The following LARP1B variants were observed in gnomAD, a reference collection of about 807,000 sequenced individuals.
LARP1B encodes La ribonucleoprotein 1B, also known as la-related protein 1B.
LARP1B carries 76 observed loss-of-function variants against 114.2 expected under a neutral mutation model. That is an observed-to-expected ratio of 0.67 (90% confidence interval 0.55 to 0.81). LARP1B has a LOEUF of 0.81. LARP1B is among the 30% of genes least tolerant of loss of function. The probability of loss-of-function intolerance (pLI) is 0.00; values close to 1 mark genes in which losing one functional copy is unlikely to be tolerated. For missense variants in LARP1B, 1,014 were observed against 1,075.8 expected, an observed-to-expected ratio of 0.94 and a Z score of 0.80; for synonymous variants, 345 against 348.0, an observed-to-expected ratio of 0.99 and a Z score of 0.10.
At chr4:128,111,974 G>T (rs966099363) in intron 9 of LARP1B, among the ~76,000 whole-genome samples, 1 of 151,670 alleles carries the variant, frequency 6.6e-6, no homozygotes, top group Admixed American at 6.6e-5. Flanking sequence ...ATAGGCATGA[G>T]CCACTGTGCC....
intron 17 of LARP1B, among the ~76,000 whole-genome samples, chr4:128,201,183 C>T (rs181633056): frequency 6.6e-6 from 1 of 152,144 alleles, no homozygotes; most frequent in Non-Finnish European, 1.5e-5. Context: ...TTTTATACAA[C>T]CTGCACTTGG....
rs1031300293 is a variant in LARP1B at position 128,077,917 on chromosome 4, A to G, written c.172A>G (p.Asn58Asp). The stretch of plus-strand genomic sequence containing the variant: ...AACAAAATTAAATGGTCCTGGTGAA[A>G]ACGTCAGTGAGGATGAGGCTCAGTC... Reference protein sequence around the residue: ...RETKLNGPGENVSEDEAQSSN... With the variant: ...RETKLNGPGEDVSEDEAQSSN... The change falls in exon 4 of 20, where the codon AAC (asparagine) becomes GAC (aspartate). Residue 58 changes from asparagine to aspartate, a missense_variant. By Grantham distance (23) the Asn-to-Asp change is conservative. Coordinates refer to ENST00000326639, the MANE Select transcript of LARP1B (RefSeq NM_018078.4). The G allele has an allele frequency of 1.2e-6, 2 of 1,612,324 alleles. No individual in the cohort carries two copies. Among genetic ancestry groups the G allele is most frequent in the Admixed American group, 1.7e-5 (1 of 59,766 alleles).
At chr4:128,064,449 A>T (rs575038262) in intron 1 of LARP1B, among the ~76,000 whole-genome samples, 4 of 152,276 alleles carry the variant, frequency 2.6e-5, no homozygotes, top group East Asian at 3.9e-4. Context: ...GCAGAAAAAA[A>T]GTTTGCTCTG....
intron 5 of LARP1B, among the ~76,000 whole-genome samples, chr4:128,083,555 C>T (rs1323634934): frequency 1.9e-4 from 28 of 147,752 alleles, no homozygotes; most frequent in Middle Eastern, 3.7e-3. Flanking sequence ...CCGGACGGGG[C>T]GGCTGGCGGG....
chr4:128,186,861 G>A (rs1314259200), intron 15 of LARP1B, among the ~76,000 whole-genome samples: 1 of 152,184 alleles, frequency 6.6e-6, no homozygotes, highest in African/African-American at 2.4e-5. Context: ...CATTCCAGCT[G>A]CTCCAGCTGT....
At chr4:128,176,932 G>A (rs1388594506) in intron 13 of LARP1B, 25 bp downstream of exon 13, 1 of 1,608,134 alleles carries the variant, frequency 6.2e-7, no homozygotes, top group African/African-American at 1.3e-5. Flanking sequence ...GGGTATTAAA[G>A]GGAGGCTATG....
chr4:128,122,516 A>G lies in LARP1B; in HGVS notation c.1524+328A>G, dbSNP rs1177180104. On this transcript the variant is annotated intron_variant, in intron 11 of 19. Coordinates refer to ENST00000326639, the MANE Select transcript of LARP1B (RefSeq NM_018078.4). The stretch of plus-strand genomic sequence containing the variant: ...CTGAGAACGCCCTTTCTCGTATGAA[A>G]GAATAAAAACAAGTTACTGTGGACA... 1.1e-5 allele frequency: 17 copies of G among 1,529,708 alleles called. No homozygotes were observed. The Admixed American group carries it at 3.4e-4, about 31-fold the overall frequency. 94.8% of individuals were successfully genotyped at this position (1,529,708 alleles called of 1,614,324 possible). A position where few individuals can be genotyped will look rare whatever the true frequency, so the allele number is the denominator to read the frequency against.
At chr4:128,067,443 A>C (rs1321342957) in intron 1 of LARP1B, among the ~76,000 whole-genome samples, 1 of 152,218 alleles carries the variant, frequency 6.6e-6, no homozygotes, top group Non-Finnish European at 1.5e-5. Context: ...ATATTTCAGG[A>C]CAGAAATTAT....
chr4:128,108,046 G>A, intron 9 of LARP1B: 1 of 1,471,442 alleles, frequency 6.8e-7, no homozygotes, highest in African/African-American at 1.4e-5. Context: ...CCCACCTCTT[G>A]GTGGAGGAAG....
chr4:128,159,516 G>A (rs932112851), intron 11 of LARP1B, among the ~76,000 whole-genome samples: 1 of 152,092 alleles, frequency 6.6e-6, no homozygotes, highest in African/African-American at 2.4e-5. Flanking sequence ...TAGCAAAATT[G>A]AGCAGAAGAT....
Position 128,220,391 on chromosome 4 carries a change from C to T in LARP1B, n.885C>T, listed in dbSNP as rs552623288. On this transcript the variant is annotated non_coding_transcript_exon_variant, in exon 7 of 8. Transcript: ENST00000503725. ...GATAGAGTAATACCTAATTATATCA[C>T]CATGAGATGGCAAAACGGAATGTCA... 4.2e-6 allele frequency: 4 copies of T among 959,092 alleles called. No homozygotes were observed. In the African/African-American group the frequency reaches 7.0e-5, roughly 17 times the overall value. The allele number at this position is 959,092 out of a possible 1,614,324, so 59.4% of individuals were successfully genotyped here. A position where few individuals can be genotyped will look rare whatever the true frequency, so the allele number is the denominator to read the frequency against.
At chr4:128,122,692 A>G in intron 11 of LARP1B, 1 of 1,313,928 alleles carries the variant, frequency 7.6e-7, no homozygotes. Context: ...TGGACAAACT[A>G]TAAATGACTA....
At chr4:128,155,412 CG>C in intron 11 of LARP1B, 2 of 640,892 alleles carry the variant, frequency 3.1e-6, no homozygotes, top group Middle Eastern at 3.8e-4. Flanking sequence ...TCAGGGAACC[CG>C]GCCCGAGCTC....
At chr4:128,143,326 G>A (rs1281136970) in intron 11 of LARP1B, among the ~76,000 whole-genome samples, 1 of 152,118 alleles carries the variant, frequency 6.6e-6, no homozygotes, top group Non-Finnish European at 1.5e-5. Flanking sequence ...GTAAATTCTA[G>A]CCATAATCCC....
rs536969216 is a variant in LARP1B, at chr4:128,196,623, C to T, written c.2004-2816C>T. Among the ~76,000 whole-genome samples the T allele has an allele frequency of 5.9e-5, 9 of 151,500 alleles. No individual in the cohort carries two copies. The South Asian group carries it at 1.9e-3, about 32-fold the overall frequency. On this transcript the variant is annotated intron_variant, in intron 15 of 19. Coordinates refer to ENST00000326639, the MANE Select transcript of LARP1B (RefSeq NM_018078.4). The stretch of plus-strand genomic sequence containing the variant: ...TGTTTTTTTTTTTCGGACACGGAGT[C>T]TCACTCTGTCGCCCAGGCTGGAGTG...
At chr4:128,082,511 G>C (rs1040484027) in intron 5 of LARP1B, among the ~76,000 whole-genome samples, 1 of 152,154 alleles carries the variant, frequency 6.6e-6, no homozygotes, top group African/African-American at 2.4e-5. Context: ...AATACAATGT[G>C]ATTGTCCACA....
At chr4:128,131,560 A>G (rs532544667) in intron 11 of LARP1B, among the ~76,000 whole-genome samples, 1 of 152,248 alleles carries the variant, frequency 6.6e-6, no homozygotes, top group South Asian at 2.1e-4. Context: ...AAAAACGTAA[A>G]GATATAAACT....
At chr4:128,089,727 A>G (rs1775125846) in intron 5 of LARP1B, among the ~76,000 whole-genome samples, 1 of 151,722 alleles carries the variant, frequency 6.6e-6, no homozygotes, top group South Asian at 2.1e-4. Flanking sequence ...CATTGTCTTA[A>G]TTTGCATTTC....
intron 15 of LARP1B, among the ~76,000 whole-genome samples, chr4:128,185,125 C>T (rs1749865430): frequency 6.6e-6 from 1 of 152,112 alleles, no homozygotes; most frequent in South Asian, 2.1e-4. Context: ...GTGAATAGTG[C>T]TGCAATAAAC....
Sources: gnomAD v4.1 joint callset for allele counts (sites outside exome capture counted in the v4.1 genomes callset) on GRCh38, gnomAD v4.1.1 for gene constraint, MANE v1.5 for transcripts, NCBI Gene and HGNC (gene_info 2026-07-23, HGNC 2026-07-21) for gene names.